Variants in RBM20 observed in about 807,000 individuals in gnomAD.
RBM20 encodes the protein RNA binding motif protein 20.
Under a neutral mutation model 110.1 loss-of-function variants are expected in RBM20, and 51 were observed. That is an observed-to-expected ratio of 0.46 (90% CI 0.37 to 0.59). The LOEUF (loss-of-function observed/expected upper bound fraction) is 0.59. Among genes scored for constraint, RBM20 ranks in the 20% least tolerant of loss-of-function variants. The probability of loss-of-function intolerance (pLI) is 0.00; values close to 1 mark genes in which losing one functional copy is unlikely to be tolerated. For synonymous variants in RBM20, 589 were observed against 618.2 expected (o/e 0.95, Z 0.70); for missense variants, 1,512 against 1,574.9 (o/e 0.96, Z 0.68).
chr10:110,715,388 C>A (rs764709613), intron 1 of RBM20, among the ~76,000 whole-genome samples: 1 of 152,250 alleles, frequency 6.6e-6, no homozygotes, highest in Non-Finnish European at 1.5e-5. Flanking sequence ...ACACTGTCTG[C>A]AGCACTTTCA....
chr10:110,753,634 GGT>G (rs1332180520), intron 1 of RBM20, among the ~76,000 whole-genome samples: 18 of 152,106 alleles, frequency 1.2e-4, no homozygotes, highest in African/African-American at 4.3e-4. Context: ...AGTTTTCACT[GGT>G]TGCTGTAACA....
intron 1 of RBM20, among the ~76,000 whole-genome samples, chr10:110,696,261 G>T (rs1029345736): frequency 1.3e-5 from 2 of 152,204 alleles, no homozygotes; most frequent in Non-Finnish European, 2.9e-5. Flanking sequence ...ATCTTTAGAT[G>T]TACATGTCCC....
chr10:110,732,150 T>C (rs1034480862), intron 1 of RBM20, among the ~76,000 whole-genome samples: 3 of 152,230 alleles, frequency 2.0e-5, no homozygotes, highest in East Asian at 1.9e-4. Context: ...GAGTATTTCT[T>C]ATACATAGCA....
chr10:110,799,907 T>C lies in RBM20; in HGVS notation c.1789T>C (p.Leu597=). ...LIRMSKRYKE[L]QLKKPGKAVA... is the part of the protein sequence containing the mutation. Reference sequence around the variant, plus strand: ...TCGGATGTCCAAGAGATACAAGGAATTGCAGCTCAAGGTAAAGCATTATCT... The same window carrying C: ...TCGGATGTCCAAGAGATACAAGGAACTGCAGCTCAAGGTAAAGCATTATCT... Residue 597 remains leucine (L), a synonymous_variant, in exon 7 of 14, where the codon TTG becomes CTG. Transcript: ENST00000369519. 1 of 1,551,966 alleles carries C rather than the reference T, an allele frequency of 6.4e-7. No homozygotes were observed. Among genetic ancestry groups the C allele is most frequent in the Non-Finnish European group, 8.7e-7 (1 of 1,147,012 alleles).
chr10:110,690,005 G>A (rs950714425), intron 1 of RBM20, among the ~76,000 whole-genome samples: 5 of 152,128 alleles, frequency 3.3e-5, no homozygotes, highest in Non-Finnish European at 7.3e-5. Flanking sequence ...ATCAATTTAT[G>A]GAATGATATC....
chr10:110,750,666 G>A (rs1843841706), intron 1 of RBM20, among the ~76,000 whole-genome samples: 1 of 152,190 alleles, frequency 6.6e-6, no homozygotes, highest in African/African-American at 2.4e-5. Flanking sequence ...GTGAAACTGG[G>A]TGTTCTGTAA....
chr10:110,649,169 C>A (rs1861911558), intron 1 of RBM20, among the ~76,000 whole-genome samples: 2 of 152,082 alleles, frequency 1.3e-5, no homozygotes, highest in Non-Finnish European at 2.9e-5. Context: ...CAGAAAAAAA[C>A]CAACCAGGAT....
intron 1 of RBM20, among the ~76,000 whole-genome samples, chr10:110,666,133 A>G (rs1044571258): frequency 1.7e-4 from 26 of 152,346 alleles, no homozygotes; most frequent in Admixed American, 1.6e-3. Context: ...AGGGGGGTGC[A>G]AAATAAACAA....
At chr10:110,652,041 C>G (rs1861957067) in intron 1 of RBM20, among the ~76,000 whole-genome samples, 1 of 152,144 alleles carries the variant, frequency 6.6e-6, no homozygotes, top group African/African-American at 2.4e-5. Context: ...ATATTTATTT[C>G]AACACTGTCT....
Position 110,820,068 on chromosome 10 carries a change from T to C in RBM20, c.2551-4T>C, listed in dbSNP as rs1713792262. 1.3e-6 allele frequency: 2 copies of C among 1,542,334 alleles called. No individual in the cohort carries two copies. The highest frequency in any genetic ancestry group is 1.8e-6 in the Non-Finnish European group (2 of 1,140,830). On this transcript the variant is annotated splice_region_variant and splice_polypyrimidine_tract_variant and intron_variant, in intron 9 of 13. Transcript: ENST00000369519. ...TTGGTTTGCTCTGTTCTTCCTTTGA[T>C]AAGGCTGGAAAAGAGGAACAGGAGG... is the stretch of plus-strand genomic sequence containing the variant.
rs553191621 is a variant in RBM20, at chr10:110,749,476, A to T, written c.192-31325A>T. 1.8e-4 allele frequency among the ~76,000 whole-genome samples: 27 copies of T among 152,358 alleles called. No individual in the cohort carries two copies. In the South Asian group the frequency reaches 2.1e-3, roughly 12 times the overall value. ...TAGAAAAAATTATAAAACATAAAGT[A>T]TATCATAAGTAGAATATGATATGTT... On this transcript the variant is annotated intron_variant, in intron 1 of 13. Transcript: ENST00000369519.
Position 110,672,578 on chromosome 10 carries a change from C to T in RBM20, c.191+27933C>T, listed in dbSNP as rs545366710. ...CGGGTGTTCGCGGAAGCTGCGCGCT[C>T]GCGCCCCCACGGTTCTCCAGCGACC... On this transcript the variant is annotated intron_variant, in intron 1 of 13. Coordinates refer to ENST00000369519, the MANE Select transcript of RBM20 (RefSeq NM_001134363.3). Among the ~76,000 whole-genome samples, 6 of 152,366 alleles carry T rather than the reference C, an allele frequency of 3.9e-5. No homozygotes were observed. In the East Asian group the frequency reaches 5.8e-4, roughly 15 times the overall value.
chr10:110,653,790 G>C (rs947899861), intron 1 of RBM20, among the ~76,000 whole-genome samples: 26 of 152,232 alleles, frequency 1.7e-4, no homozygotes, highest in Middle Eastern at 3.4e-3. Context: ...TCCTGGACTT[G>C]AGCAATCCTC....
chr10:110,762,352 T>A (rs1467831819), intron 1 of RBM20, among the ~76,000 whole-genome samples: 5 of 152,254 alleles, frequency 3.3e-5, no homozygotes, highest in Non-Finnish European at 7.3e-5. Flanking sequence ...CAGTAGGTAC[T>A]CAATACATGC....
intron 1 of RBM20, among the ~76,000 whole-genome samples, chr10:110,778,140 C>T (rs1191215135): frequency 1.6e-4 from 24 of 152,186 alleles, no homozygotes; most frequent in Non-Finnish European, 1.3e-4. Flanking sequence ...GCAACCAGCC[C>T]GGCTCCCCAA....
At chr10:110,805,916 G>C (rs1037967048) in intron 7 of RBM20, among the ~76,000 whole-genome samples, 1 of 152,170 alleles carries the variant, frequency 6.6e-6, no homozygotes, top group East Asian at 1.9e-4. Context: ...AAATAATATA[G>C]GGGGTGGGGA....
intron 1 of RBM20, among the ~76,000 whole-genome samples, chr10:110,699,162 C>T (rs10885020): frequency 0.28 from 43,016 of 151,608 alleles, 6,305 homozygotes; most frequent in East Asian, 0.34. Context: ...CCTTTCCAGA[C>T]CCACGTGATG....
At chr10:110,719,745 G>C (rs569553638) in intron 1 of RBM20, among the ~76,000 whole-genome samples, 2 of 152,206 alleles carry the variant, frequency 1.3e-5, no homozygotes, top group Non-Finnish European at 2.9e-5. Context: ...ATTTCATCCA[G>C]TATTGTCATC....
intron 1 of RBM20, among the ~76,000 whole-genome samples, chr10:110,673,870 A>G (rs1281284284): frequency 6.6e-6 from 1 of 152,220 alleles, no homozygotes; most frequent in African/African-American, 2.4e-5. Context: ...AGCTTGAGTC[A>G]CATAAAAATG....
Sources: gnomAD v4.1 joint callset for allele counts (sites outside exome capture counted in the v4.1 genomes callset) on GRCh38, gnomAD v4.1.1 for gene constraint, MANE v1.5 for transcripts, NCBI Gene and HGNC (gene_info 2026-07-23, HGNC 2026-07-21) for gene names.